Variants in NBAS observed in about 807,000 individuals in gnomAD.
NBAS encodes the protein NAG/BC035112 fusion.
Under a neutral mutation model 302.5 loss-of-function variants are expected in NBAS, and 219 were observed. That is an observed-to-expected ratio of 0.72 (90% confidence interval 0.65 to 0.81). The LOEUF is 0.81. Ranked by LOEUF, NBAS falls within the 30% of genes least tolerant of loss-of-function variation. The probability of loss-of-function intolerance (pLI) is 0.00; values close to 1 mark genes in which losing one functional copy is unlikely to be tolerated. For missense variants in NBAS, 2,932 were observed against 2,841.6 expected, an observed-to-expected ratio of 1.03 and a Z score of -0.72; for synonymous variants, 1,118 against 1,021.6, an observed-to-expected ratio of 1.09 and a Z score of -1.80.
At chr2:15,464,928 G>C (rs1679658348) in intron 19 of NBAS, among the ~76,000 whole-genome samples, 2 of 152,192 alleles carry the variant, frequency 1.3e-5, no homozygotes, top group Non-Finnish European at 2.9e-5. Context: ...ATGGCACACT[G>C]ATTATCAGCA....
intron 40 of NBAS, among the ~76,000 whole-genome samples, chr2:15,303,913 CCA>C (rs1391184437): frequency 2.0e-5 from 3 of 152,240 alleles, no homozygotes; most frequent in Non-Finnish European, 4.4e-5. Flanking sequence ...CCAGTCTAAT[CCA>C]CATTTACTTA....
chr2:14,794,575 A>C, the NBAS span, among the ~76,000 whole-genome samples: 5 of 152,178 alleles, frequency 3.3e-5, no homozygotes, highest in Non-Finnish European at 7.3e-5. Flanking sequence ...TTATATATTT[A>C]TATCAATTTT....
chr2:15,188,426 A>G (rs1030336780), intron 49 of NBAS, among the ~76,000 whole-genome samples: 3 of 152,200 alleles, frequency 2.0e-5, no homozygotes, highest in African/African-American at 7.2e-5. Context: ...AAAATATTCA[A>G]AAGTACTTCT....
the NBAS span, among the ~76,000 whole-genome samples, chr2:14,861,459 G>T: frequency 6.6e-6 from 1 of 152,212 alleles, no homozygotes; most frequent in Admixed American, 6.5e-5. Flanking sequence ...GGAGCACTCA[G>T]TCTGGTAGAG....
chr2:15,559,062 CAAAAAAAAAA>C (rs70961421), intron 1 of NBAS, among the ~76,000 whole-genome samples: 3 of 50,416 alleles, frequency 6.0e-5, no homozygotes, highest in Non-Finnish European at 7.1e-5. Context: ...GACCCTGCCT[CAAAAAAAAAA>C]AAAAAAAAAA....
chr2:14,789,052 C>T, the NBAS span, among the ~76,000 whole-genome samples: 6 of 152,248 alleles, frequency 3.9e-5, no homozygotes, highest in Non-Finnish European at 8.8e-5. Flanking sequence ...GCCCCTCCCC[C>T]AGCCTCGCTG....
At chr2:15,046,770 C>T in the NBAS span, among the ~76,000 whole-genome samples, 1 of 152,138 alleles carries the variant, frequency 6.6e-6, no homozygotes, top group Non-Finnish European at 1.5e-5. Flanking sequence ...GGTGAATGGG[C>T]ATGAATTTAA....
intron 21 of NBAS, among the ~76,000 whole-genome samples, chr2:15,451,045 T>C (rs1458152874): frequency 1.3e-5 from 2 of 152,102 alleles, no homozygotes; most frequent in Non-Finnish European, 2.9e-5. Context: ...CATTCATTCA[T>C]TCATCCATTT....
chr2:14,909,858 A>G, the NBAS span, among the ~76,000 whole-genome samples: 1 of 152,204 alleles, frequency 6.6e-6, no homozygotes, highest in African/African-American at 2.4e-5. Context: ...GGGACAGCCC[A>G]GTTGAGCTTG....
In NBAS at chr2:15,539,281, C is replaced by T; in HGVS notation, c.455G>A (p.Ser152Asn). The T allele has an allele frequency of 6.2e-7, 1 of 1,614,214 alleles. No individual in the cohort carries two copies. The highest frequency in any genetic ancestry group is 8.5e-7 in the Non-Finnish European group (1 of 1,180,040). The change falls in exon 7 of 52, where the codon AGC becomes AAC. Residue 152 changes from serine (S) to asparagine (N), a missense_variant. Transcript: ENST00000281513. Reference protein sequence around the residue: ...YDCTLLAYAESTGTVRVFDLM... With the variant: ...YDCTLLAYAENTGTVRVFDLM... ...ATCAAACACCCTCACAGTTCCTGTG[C>T]TTTCGGCATAGGCCAGTAGGGTACA... is the stretch of plus-strand genomic sequence containing the variant.
At position 15,237,771 on chromosome 2, in the gene NBAS, ATTTTT is replaced by A. The variant is rs765648566; in HGVS notation, c.5943+692_5943+696del. On this transcript the variant is annotated intron_variant, in intron 45 of 51. Transcript: ENST00000281513. ...GCCACCACACCCGGCTAATGTTTGT[ATTTTT>A]TTTTTTTTTTTTTTTTGAGACGGAG... 3.2e-3 allele frequency among the ~76,000 whole-genome samples: 212 copies of A among 66,540 alleles called. 1 individual carries two copies. Among genetic ancestry groups the A allele is most frequent in the African/African-American group, 0.012 (197 of 16,772 alleles). The allele number at this position is 66,540 out of a possible 152,430, so 43.7% of individuals were successfully genotyped here.
At chr2:15,016,957 C>A in the NBAS span, among the ~76,000 whole-genome samples, 1 of 152,004 alleles carries the variant, frequency 6.6e-6, no homozygotes. Context: ...AGTATCTATC[C>A]CCTTAACTAT....
intron 41 of NBAS, among the ~76,000 whole-genome samples, chr2:15,291,585 A>C (rs1281006661): frequency 2.6e-5 from 4 of 152,224 alleles, no homozygotes; most frequent in African/African-American, 9.6e-5. Flanking sequence ...TGAGAAACCA[A>C]GGTCTCCGCC....
intron 51 of NBAS, among the ~76,000 whole-genome samples, chr2:15,171,613 C>T (rs982857894): frequency 1.3e-5 from 2 of 152,142 alleles, no homozygotes; most frequent in Non-Finnish European, 2.9e-5. Flanking sequence ...CGGCATAGGA[C>T]AAGTTACCAG....
chr2:14,784,850 G>T, the NBAS span, among the ~76,000 whole-genome samples: 3 of 152,082 alleles, frequency 2.0e-5, no homozygotes, highest in African/African-American at 7.2e-5. Context: ...TTCCAATTCT[G>T]TGAAGAAAGT....
At chr2:15,161,628 C>G in the NBAS span, among the ~76,000 whole-genome samples, 1 of 152,202 alleles carries the variant, frequency 6.6e-6, no homozygotes, top group Non-Finnish European at 1.5e-5. Context: ...GGCCTCCACA[C>G]CTGAGCCTGG....
the NBAS span, among the ~76,000 whole-genome samples, chr2:14,902,106 C>T: frequency 0.24 from 35,926 of 151,828 alleles, 4,416 homozygotes; most frequent in Non-Finnish European, 0.27. Flanking sequence ...TAGCAATCAT[C>T]CCTTTTTCCC....
chr2:15,433,431 T>C (rs1677857494), intron 21 of NBAS, among the ~76,000 whole-genome samples: 1 of 152,192 alleles, frequency 6.6e-6, no homozygotes, highest in Admixed American at 6.5e-5. Flanking sequence ...TTTTCACAAG[T>C]AGTGAATACA....
At chr2:15,305,241 C>T (rs373702746) in intron 40 of NBAS, among the ~76,000 whole-genome samples, 7 of 152,162 alleles carry the variant, frequency 4.6e-5, no homozygotes, top group South Asian at 2.1e-4. Flanking sequence ...TTCCCCCAAG[C>T]TGTTCTCATG....
Sources: gnomAD v4.1 joint callset for allele counts (sites outside exome capture counted in the v4.1 genomes callset) on GRCh38, gnomAD v4.1.1 for gene constraint, MANE v1.5 for transcripts, NCBI Gene and HGNC (gene_info 2026-07-23, HGNC 2026-07-21) for gene names.